Variants in DIAPH2 observed in about 807,000 individuals in gnomAD.
DIAPH2 encodes diaphanous related formin 2, also known as protein diaphanous homolog 2.
DIAPH2 carries 35 observed loss-of-function variants against 92.7 expected under a neutral mutation model. That is an observed-to-expected ratio of 0.38 (90% CI 0.29 to 0.50). The LOEUF (loss-of-function observed/expected upper bound fraction) is 0.50. Among genes scored for constraint, DIAPH2 ranks in the 20% least tolerant of loss-of-function variants. The probability of loss-of-function intolerance (pLI) is 0.94; values close to 1 mark genes in which losing one functional copy is unlikely to be tolerated. For synonymous variants in DIAPH2, 301 were observed against 280.4 expected, an observed-to-expected ratio of 1.07 and a Z score of -0.73; for missense variants, 701 against 819.5, an observed-to-expected ratio of 0.86 and a Z score of 1.77.
At chrX:97,183,630 C>A (rs370555167) in intron 22 of DIAPH2, among the ~76,000 whole-genome samples, 4 of 111,881 alleles carry the variant, frequency 3.6e-5, no homozygotes, top group African/African-American at 1.3e-4. Flanking sequence ...CATTTTGTAG[C>A]AGATTTTTAA....
chrX:96,737,066 A>G (rs1030447026), intron 2 of DIAPH2, among the ~76,000 whole-genome samples: 2 of 112,178 alleles, frequency 1.8e-5, no homozygotes, highest in Admixed American at 9.5e-5. Context: ...AATATAGTTC[A>G]AGATGATTAG....
chrX:97,139,969 A>G (rs997043811), intron 21 of DIAPH2, among the ~76,000 whole-genome samples: 6 of 110,482 alleles, frequency 5.4e-5, no homozygotes, highest in African/African-American at 2.0e-4. Context: ...TACTTGTACA[A>G]TTTGATGTCC....
At chrX:97,009,549 G>A (rs1261012934) in intron 17 of DIAPH2, among the ~76,000 whole-genome samples, 2 of 112,485 alleles carry the variant, frequency 1.8e-5, no homozygotes, top group Non-Finnish European at 3.8e-5. Flanking sequence ...CCTGAAGCCA[G>A]CATATCCCTG....
chrX:96,716,082 C>T (rs972337970), intron 1 of DIAPH2, among the ~76,000 whole-genome samples: 4 of 110,936 alleles, frequency 3.6e-5, no homozygotes, highest in Non-Finnish European at 5.7e-5. Context: ...CAGATGACAA[C>T]GGATAAACTG....
chrX:96,811,912 T>C (rs2064685626), intron 4 of DIAPH2, among the ~76,000 whole-genome samples: 1 of 111,929 alleles, frequency 8.9e-6, no homozygotes, highest in Admixed American at 9.5e-5. Context: ...TGCAGCTGGA[T>C]TCGGTTTGCC....
chrX:97,441,168 C>T (rs2070253085), intron 26 of DIAPH2, among the ~76,000 whole-genome samples: 1 of 111,328 alleles, frequency 9.0e-6, no homozygotes, highest in Non-Finnish European at 1.9e-5. Flanking sequence ...ATAATCCTAG[C>T]ACTTTGGGAG....
intron 22 of DIAPH2, among the ~76,000 whole-genome samples, chrX:97,205,838 TAAAG>T (rs1024621550): frequency 4.5e-5 from 5 of 111,409 alleles, no homozygotes; most frequent in African/African-American, 1.6e-4. Flanking sequence ...CATTCTATTA[TAAAG>T]ACACATGCAC....
At position 96,810,456 on chromosome X, in the gene DIAPH2, C is replaced by T. The variant is rs143894708; in HGVS notation, c.447+52198C>T. On this transcript the variant is annotated intron_variant, in intron 4 of 26. Coordinates refer to ENST00000324765, the MANE Select transcript of DIAPH2 (RefSeq NM_006729.5). ...TGGGTAGATTACAAAAATTTTCTCC[C>T]ATCCTGTAGGTTGCCTGTTCACTCT... 4.1e-4 allele frequency among the ~76,000 whole-genome samples: 46 copies of T among 111,613 alleles called. No homozygotes were observed. The South Asian group carries it at 0.017, about 42-fold the overall frequency.
intron 26 of DIAPH2, among the ~76,000 whole-genome samples, chrX:97,509,549 G>A (rs1397128830): frequency 1.2e-5 from 1 of 82,102 alleles, no homozygotes; most frequent in Non-Finnish European, 2.2e-5. Flanking sequence ...GGGTACATGT[G>A]CACATTGTGC....
At chrX:97,566,719 A>G (rs143825937) in intron 26 of DIAPH2, among the ~76,000 whole-genome samples, 88 of 111,805 alleles carry the variant, frequency 7.9e-4, no homozygotes, top group African/African-American at 2.8e-3. Flanking sequence ...TACAACAACA[A>G]AGTAACAGGT....
chrX:97,429,119 A>G (rs1480252779), intron 25 of DIAPH2, among the ~76,000 whole-genome samples: 1 of 112,200 alleles, frequency 8.9e-6, no homozygotes, highest in African/African-American at 3.2e-5. Context: ...ATACAGTGTT[A>G]GCATCTCAAA....
At chrX:97,323,050 G>T (rs751277048) in intron 23 of DIAPH2, among the ~76,000 whole-genome samples, 1 of 105,691 alleles carries the variant, frequency 9.5e-6, no homozygotes, top group Non-Finnish European at 1.9e-5. Context: ...GGATTAAGTC[G>T]CCTGCCACCA....
rs2065614070 is a variant in DIAPH2, at chrX:96,930,744, G to C, written c.990G>C (p.Met330Ile). ...QEALQLQVAC[M>I]QFINALVTSP... is the part of the protein sequence containing the mutation. ...CTTTCTAATTGCAGGTGGCCTGCAT[G>C]CAGTTTATAAATGCCCTTGTCACTT... Residue 330 changes from methionine to isoleucine, a missense_variant, in exon 10 of 27, where the codon ATG becomes ATC. By Grantham distance (10) the Met-to-Ile change is conservative (BLOSUM62 1). This residue lies in a region of DIAPH2 where 536 missense variants were observed against 599.3 expected (regional missense o/e 0.89). Transcript: ENST00000324765. 2 of 1,197,506 alleles carry C rather than the reference G, an allele frequency of 1.7e-6. No individual in the cohort carries two copies. Among genetic ancestry groups the C allele is most frequent in the Non-Finnish European group, 2.2e-6 (2 of 890,042 alleles).
At chrX:97,373,882 GTGAGCCACTGTGCCCGGCC>G (rs1377911739) in intron 24 of DIAPH2, among the ~76,000 whole-genome samples, 2 of 110,499 alleles carry the variant, frequency 1.8e-5, no homozygotes, top group Non-Finnish European at 3.8e-5. Flanking sequence ...AATTACAGGC[GTGAGCCACTGTGCCCGGCC>G]TGAGGGAGGT....
Position 96,738,646 on chromosome X carries a change from C to T in DIAPH2, c.226C>T (p.His76Tyr). The change falls in exon 3 of 27, where the codon CAT becomes TAT. Residue 76 changes from histidine (H) to tyrosine (Y), a missense_variant. His to Tyr is a moderately conservative substitution (Grantham distance 83). This residue lies in a region of DIAPH2 where 131 missense variants were observed against 145.6 expected (regional missense o/e 0.90). Coordinates refer to ENST00000324765, the MANE Select transcript of DIAPH2 (RefSeq NM_006729.5). ...CAAAAAAGAAAAACCTCTTATTCAA[C>T]ATCCTATTGATTCTCAAGTCGCGAT... Reference protein sequence around the residue: ...TVKKEKPLIQHPIDSQVAMSE... With the variant: ...TVKKEKPLIQYPIDSQVAMSE... The T allele has an allele frequency of 1.7e-5, 20 of 1,206,431 alleles. No individual in the cohort carries two copies. The highest frequency in any genetic ancestry group is 2.1e-5 in the Non-Finnish European group (19 of 892,325).
chrX:97,100,529 CA>C (rs1224405041), intron 20 of DIAPH2, among the ~76,000 whole-genome samples: 1 of 111,425 alleles, frequency 9.0e-6, no homozygotes, highest in African/African-American at 3.3e-5. Flanking sequence ...GGAAAGAGGG[CA>C]TTATGATTTA....
chrX:96,869,705 G>A (rs1259984643), intron 4 of DIAPH2, among the ~76,000 whole-genome samples: 1 of 110,250 alleles, frequency 9.1e-6, no homozygotes, highest in East Asian at 2.8e-4. Context: ...CATAACATGA[G>A]CAGTCAACTA....
intron 5 of DIAPH2, among the ~76,000 whole-genome samples, chrX:96,894,974 A>ATTTTTTTTTTGTTTTTTTTTTTTTTT (rs2065333435): frequency 1.7e-5 from 1 of 59,531 alleles, no homozygotes; most frequent in African/African-American, 6.1e-5. Context: ...GTTTTTCTTA[A>ATTTTTTTTTTGTTTTTTTTTTTTTTT]TTTTTTTTTT....
chrX:96,939,554 GTA>G (rs368489466), intron 12 of DIAPH2, among the ~76,000 whole-genome samples, 172 bp downstream of exon 12: 1,787 of 50,902 alleles, frequency 0.035, 42 homozygotes, highest in African/African-American at 0.048. Flanking sequence ...ATGTATATAT[GTA>G]TATATATATA....
Sources: gnomAD v4.1 joint callset for allele counts (sites outside exome capture counted in the v4.1 genomes callset) on GRCh38, gnomAD v4.1.1 for gene constraint, gnomAD v4.1.1 regional missense constraint, MANE v1.5 for transcripts, NCBI Gene and HGNC (gene_info 2026-07-23, HGNC 2026-07-21) for gene names.